PRR16: variants seen among roughly 807,000 people sequenced by gnomAD.
PRR16 encodes the protein protein Largen.
A neutral mutation model predicts 18.2 loss-of-function variants in PRR16; 6 were observed. The ratio of observed to expected loss-of-function variants is 0.33; its 90% CI spans 0.18 to 0.65. The LOEUF is 0.65. Among genes scored for constraint, PRR16 ranks in the 30% least tolerant of loss-of-function variants. PRR16 has a pLI of 0.74. For missense variants in PRR16, 412 were observed against 376.6 expected (o/e 1.09, Z -0.78); for synonymous variants, 151 against 147.8 (o/e 1.02, Z -0.16).
chr5:120,518,497 C>T (rs943255162), intron 1 of PRR16, among the ~76,000 whole-genome samples: 2 of 151,662 alleles, frequency 1.3e-5, no homozygotes, highest in South Asian at 4.2e-4. Context: ...GTCATCTTTG[C>T]AAAGCTTGTT....
chr5:120,490,883 C>T (rs1325163455), intron 1 of PRR16, among the ~76,000 whole-genome samples: 1 of 152,178 alleles, frequency 6.6e-6, no homozygotes, highest in African/African-American at 2.4e-5. Context: ...TCAGGACCCT[C>T]AGCTGCAGGT....
chr5:120,501,330 A>G (rs1750445298), intron 1 of PRR16, among the ~76,000 whole-genome samples: 1 of 152,186 alleles, frequency 6.6e-6, no homozygotes. Flanking sequence ...GAAAAGAGGG[A>G]GTATATCCAT....
chr5:120,762,063 G>A, the PRR16 span, among the ~76,000 whole-genome samples: 1 of 151,942 alleles, frequency 6.6e-6, no homozygotes, highest in Non-Finnish European at 1.5e-5. Flanking sequence ...TCTTTTTTAT[G>A]GCTATTATTC....
At chr5:120,714,799 C>T in the PRR16 span, among the ~76,000 whole-genome samples, 1 of 152,088 alleles carries the variant, frequency 6.6e-6, no homozygotes, top group South Asian at 2.1e-4. Flanking sequence ...CCACGGAATA[C>T]TATCCAGCAT....
At chr5:120,560,660 G>GT (rs1752547025) in intron 1 of PRR16, among the ~76,000 whole-genome samples, 2 of 152,064 alleles carry the variant, frequency 1.3e-5, no homozygotes, top group African/African-American at 4.8e-5. Flanking sequence ...GAATGAGATT[G>GT]TAAGTATTCT....
chr5:120,522,861 C>T (rs1357132542), intron 1 of PRR16, among the ~76,000 whole-genome samples: 1 of 152,192 alleles, frequency 6.6e-6, no homozygotes, highest in African/African-American at 2.4e-5. Flanking sequence ...CGTGATCCAC[C>T]TGCCTCGGCC....
chr5:120,562,742 C>T (rs186197647), intron 1 of PRR16, among the ~76,000 whole-genome samples: 13 of 152,228 alleles, frequency 8.5e-5, no homozygotes, highest in Admixed American at 7.9e-4. Context: ...ATGGCATAAA[C>T]AGACAAAAAC....
intron 1 of PRR16, among the ~76,000 whole-genome samples, chr5:120,534,180 A>G (rs778331203): frequency 7.2e-5 from 11 of 152,202 alleles, no homozygotes; most frequent in Non-Finnish European, 1.3e-4. Flanking sequence ...TTGGGTTGCC[A>G]TTGGCAAATG....
the PRR16 span, among the ~76,000 whole-genome samples, chr5:120,759,685 A>C: frequency 6.6e-6 from 1 of 152,180 alleles, no homozygotes; most frequent in Non-Finnish European, 1.5e-5. Context: ...AAATTAAAAA[A>C]TCAGTTAAAA....
chr5:120,666,273 G>T (rs1454054220), intron 1 of PRR16, among the ~76,000 whole-genome samples: 1 of 152,214 alleles, frequency 6.6e-6, no homozygotes, highest in Non-Finnish European at 1.5e-5. Flanking sequence ...TGTTATTGGT[G>T]TATAAGAATG....
At chr5:120,697,984 C>G in the PRR16 span, among the ~76,000 whole-genome samples, 1 of 152,126 alleles carries the variant, frequency 6.6e-6, no homozygotes, top group African/African-American at 2.4e-5. Flanking sequence ...TGGGCGTATA[C>G]GTGCAAGTCA....
chr5:120,519,801 A>G (rs1751114005), intron 1 of PRR16, among the ~76,000 whole-genome samples: 1 of 152,122 alleles, frequency 6.6e-6, no homozygotes, highest in Non-Finnish European at 1.5e-5. Context: ...GGCCCTTAAG[A>G]TTCTGGGTAA....
chr5:120,791,348 T>C, the PRR16 span, among the ~76,000 whole-genome samples: 3 of 152,236 alleles, frequency 2.0e-5, no homozygotes, highest in Non-Finnish European at 4.4e-5. Context: ...TATTTTTCAC[T>C]ATGACTTTCT....
intron 1 of PRR16, among the ~76,000 whole-genome samples, chr5:120,654,621 T>C (rs543406251): frequency 1.3e-5 from 2 of 151,990 alleles, no homozygotes; most frequent in South Asian, 2.1e-4. Context: ...ATTTGAAAGA[T>C]ACACAACAGA....
At chr5:120,643,763 G>A (rs1310798905) in intron 1 of PRR16, among the ~76,000 whole-genome samples, 1 of 152,034 alleles carries the variant, frequency 6.6e-6, no homozygotes, top group Non-Finnish European at 1.5e-5. Context: ...ACAGCACTTT[G>A]GGAGGCCGAG....
At chr5:120,789,899 C>T in the PRR16 span, 3 of 130,916 alleles carry the variant, frequency 2.3e-5, no homozygotes, top group Non-Finnish European at 5.1e-5. Context: ...TTTTGTTAAA[C>T]CATACTTATG....
chr5:120,539,086 A>G (rs1033080448), intron 1 of PRR16, among the ~76,000 whole-genome samples: 1 of 152,154 alleles, frequency 6.6e-6, no homozygotes, highest in African/African-American at 2.4e-5. Flanking sequence ...GGCTGTTAGC[A>G]TTTTGTGAAA....
At chr5:120,710,963 C>T in the PRR16 span, 2 of 151,610 alleles carry the variant, frequency 1.3e-5, no homozygotes, top group African/African-American at 4.8e-5. Context: ...CCCCCCTCAG[C>T]TTCTAATGGC....
At chr5:120,471,603 G>A (rs540921010) in intron 1 of PRR16, among the ~76,000 whole-genome samples, 4 of 151,994 alleles carry the variant, frequency 2.6e-5, no homozygotes, top group South Asian at 4.2e-4. Flanking sequence ...TAGTGCTATC[G>A]ATTATAAACC....
Sources: allele counts gnomAD v4.1 joint callset (sites outside exome capture counted in the v4.1 genomes callset), GRCh38; gene constraint gnomAD v4.1.1; transcripts MANE v1.5; gene names NCBI Gene and HGNC (gene_info 2026-07-23, HGNC 2026-07-21).